Variants in HTR1E observed in about 807,000 individuals in gnomAD.
HTR1E encodes 5-HT-1E.
HTR1E carries 3 observed loss-of-function variants against 3.4 expected under a neutral mutation model. That is an observed-to-expected ratio of 0.89 (90% confidence interval 0.41 to 2.31). HTR1E has a LOEUF of 2.31. Among genes scored for constraint, HTR1E ranks in the 30% most tolerant of loss-of-function variants. The pLI is 0.05. For synonymous variants in HTR1E, 170 were observed against 182.8 expected, an observed-to-expected ratio of 0.93 and a Z score of 0.56; for missense variants, 392 against 467.0, an observed-to-expected ratio of 0.84 and a Z score of 1.48.
chr6:86,980,709 G>T (rs1275997853), intron 1 of HTR1E, among the ~76,000 whole-genome samples: 1 of 151,972 alleles, frequency 6.6e-6, no homozygotes, highest in African/African-American at 2.4e-5. Flanking sequence ...TTTCCCCTCA[G>T]GCAAAAATAT....
chr6:86,955,714 TTGAG>T (rs1203085805), intron 1 of HTR1E, among the ~76,000 whole-genome samples: 5 of 148,180 alleles, frequency 3.4e-5, no homozygotes, highest in South Asian at 4.3e-4. Flanking sequence ...ATGTGTAGGC[TTGAG>T]TGAGTGAGAG....
chr6:86,951,804 T>C (rs1238694843), intron 1 of HTR1E, among the ~76,000 whole-genome samples: 1 of 152,156 alleles, frequency 6.6e-6, no homozygotes, highest in Non-Finnish European at 1.5e-5. Context: ...GTAGTATAAA[T>C]GAATAATGCA....
chr6:87,011,022 TTAAAG>T (rs1768224594), intron 1 of HTR1E, among the ~76,000 whole-genome samples: 1 of 152,248 alleles, frequency 6.6e-6, no homozygotes, highest in Non-Finnish European at 1.5e-5. Context: ...TGTGGTTTCT[TTAAAG>T]TAGTTATTGG....
At chr6:86,948,342 A>G (rs1279114295) in intron 1 of HTR1E, among the ~76,000 whole-genome samples, 6 of 152,186 alleles carry the variant, frequency 3.9e-5, no homozygotes, top group African/African-American at 1.4e-4. Context: ...TTAACCAGTC[A>G]TTACTATTGG....
intron 1 of HTR1E, among the ~76,000 whole-genome samples, chr6:86,943,476 G>T (rs940342201): frequency 2.0e-5 from 3 of 152,174 alleles, no homozygotes; most frequent in African/African-American, 7.2e-5. Flanking sequence ...GAGCTGCATG[G>T]TCTGTCATCG....
intron 1 of HTR1E, among the ~76,000 whole-genome samples, chr6:87,011,093 C>T (rs943310868): frequency 6.6e-6 from 1 of 152,154 alleles, no homozygotes; most frequent in Non-Finnish European, 1.5e-5. Context: ...ACTCCATTTG[C>T]AATAGCTACT....
chr6:86,986,037 CTT>C (rs951482626), intron 1 of HTR1E, among the ~76,000 whole-genome samples: 5 of 152,154 alleles, frequency 3.3e-5, no homozygotes, highest in African/African-American at 1.2e-4. Flanking sequence ...TCCCCTCTTA[CTT>C]TGTGTAGTAA....
chr6:86,991,468 A>T (rs572701730), intron 1 of HTR1E, among the ~76,000 whole-genome samples: 53 of 152,310 alleles, frequency 3.5e-4, no homozygotes, highest in African/African-American at 1.2e-3. Context: ...TACCAAAATA[A>T]AAAGTTTATT....
At chr6:86,969,684 C>T (rs779121388) in intron 1 of HTR1E, among the ~76,000 whole-genome samples, 27 of 152,186 alleles carry the variant, frequency 1.8e-4, no homozygotes, top group African/African-American at 4.8e-5. Context: ...CTCTGGATGA[C>T]TTCTTCTCTT....
At chr6:86,970,866 C>T in intron 1 of HTR1E, 1 of 271,348 alleles carries the variant, frequency 3.7e-6, no homozygotes, top group East Asian at 1.1e-4. Context: ...CTTGTAGAGC[C>T]ACATATTGCA....
At chr6:86,954,633 C>CT (rs1233536581) in intron 1 of HTR1E, among the ~76,000 whole-genome samples, 5 of 152,162 alleles carry the variant, frequency 3.3e-5, no homozygotes, top group Non-Finnish European at 7.3e-5. Flanking sequence ...TCAGGAGATG[C>CT]TTTCTATCAC....
intron 1 of HTR1E, among the ~76,000 whole-genome samples, chr6:87,008,881 C>T (rs1336602801): frequency 6.6e-6 from 1 of 152,168 alleles, no homozygotes; most frequent in African/African-American, 2.4e-5. Context: ...GAAGCTGTGT[C>T]TCAATCACAA....
intron 1 of HTR1E, among the ~76,000 whole-genome samples, chr6:87,013,683 T>C (rs893028777): frequency 2.6e-5 from 4 of 152,052 alleles, no homozygotes; most frequent in Middle Eastern, 3.2e-3. Context: ...AAAGCCTTTT[T>C]ATATATAAAC....
At chr6:86,995,688 G>GAAAAAAAAAAAAAAAAAA (rs58476122) in intron 1 of HTR1E, among the ~76,000 whole-genome samples, 1 of 55,204 alleles carries the variant, frequency 1.8e-5, no homozygotes, top group Non-Finnish European at 3.8e-5. Flanking sequence ...AAAAAAAAAA[G>GAAAAAAAAAAAAAAAAAA]AAAAAAAAAA....
At chr6:86,950,881 G>A (rs1417819844) in intron 1 of HTR1E, among the ~76,000 whole-genome samples, 1 of 152,148 alleles carries the variant, frequency 6.6e-6, no homozygotes, top group East Asian at 1.9e-4. Context: ...AACTTGGGAA[G>A]ATTTTTTCAA....
intron 1 of HTR1E, among the ~76,000 whole-genome samples, chr6:86,958,937 CGTGTGTGTGTGTGTGTGTGTGTGT>C (rs55871033): frequency 1.7e-4 from 24 of 140,074 alleles, no homozygotes; most frequent in South Asian, 2.5e-4. Context: ...ACCAATTGCA[CGTGTGTGTGTGTGTGTGTGTGTGT>C]GTGTGTGTGT....
chr6:86,980,279 C>T (rs1194817381), intron 1 of HTR1E, among the ~76,000 whole-genome samples: 2 of 150,492 alleles, frequency 1.3e-5, no homozygotes, highest in Non-Finnish European at 3.0e-5. Context: ...CCCAGCTACT[C>T]GGGAGGCTGA....
chr6:86,971,088 C>T (rs1767547195), intron 1 of HTR1E: 2 of 511,668 alleles, frequency 3.9e-6, no homozygotes, highest in Non-Finnish European at 7.7e-6. Context: ...CCAAATTATC[C>T]TCTCCATGAG....
At chr6:86,959,491 G>A (rs1001308199) in intron 1 of HTR1E, among the ~76,000 whole-genome samples, 3 of 152,110 alleles carry the variant, frequency 2.0e-5, no homozygotes, top group African/African-American at 4.8e-5. Context: ...GCAGAGGCAT[G>A]AGAAATGCTT....
Sources: gnomAD v4.1 joint callset for allele counts (sites outside exome capture counted in the v4.1 genomes callset) on GRCh38, gnomAD v4.1.1 for gene constraint, MANE v1.5 for transcripts, NCBI Gene and HGNC (gene_info 2026-07-23, HGNC 2026-07-21) for gene names.